MAGI1: variants seen among roughly 807,000 people sequenced by gnomAD.
The protein encoded by MAGI1 is membrane associated guanylate kinase, WW and PDZ domain containing 1.
A neutral mutation model predicts 139.9 loss-of-function variants in MAGI1; 58 were observed. The observed-to-expected ratio is 0.41, with a 90% CI of 0.34 to 0.52. The LOEUF is 0.52. Among genes scored for constraint, MAGI1 ranks in the 20% least tolerant of loss-of-function variants. The pLI, the probability that MAGI1 is intolerant of heterozygous loss-of-function variation, is 0.12. For missense variants in MAGI1, 1,874 were observed against 1,901.6 expected, an observed-to-expected ratio of 0.99 and a Z score of 0.27; for synonymous variants, 812 against 737.9, an observed-to-expected ratio of 1.10 and a Z score of -1.63.
rs111311617 is a variant in MAGI1, at chr3:65,475,593, C to G, written c.757+2999G>C. 9.5e-3 allele frequency among the ~76,000 whole-genome samples: 1,451 copies of G among 152,306 alleles called. 19 individuals are homozygous for G. Among genetic ancestry groups the G allele is most frequent in the African/African-American group, 0.031 (1,277 of 41,580 alleles). On this transcript the variant is annotated intron_variant, in intron 4 of 22. Transcript: ENST00000402939. ...ATATATCTGTGCTTTGGCCAACAGT[C>G]TAACTCTACCTTCATTAAGCCCACA...
intron 1 of MAGI1, among the ~76,000 whole-genome samples, chr3:65,754,182 T>A (rs1264558159): frequency 6.6e-6 from 1 of 152,068 alleles, no homozygotes; most frequent in Non-Finnish European, 1.5e-5. Flanking sequence ...AAAAGCAAAA[T>A]CCACAATTCC....
At position 65,478,561 on chromosome 3, in the gene MAGI1, T is replaced by G. The variant is rs769339181; in HGVS notation, c.757+31A>C. 6 of 1,595,822 alleles carry G rather than the reference T, an allele frequency of 3.8e-6. No individual in the cohort carries two copies. In the South Asian group the frequency reaches 6.6e-5, roughly 18 times the overall value. ...GCCTCCTCGTCATCCCTTCCCCAGG[T>G]CCATTGAGGGCAACATGATCTGACC... On this transcript the variant is annotated intron_variant, in intron 4 of 22. Transcript: ENST00000402939.
chr3:65,754,882 G>C (rs7623079), intron 1 of MAGI1, among the ~76,000 whole-genome samples: 2,159 of 152,228 alleles, frequency 0.014, 42 homozygotes, highest in African/African-American at 0.049. Flanking sequence ...CATACAAAGA[G>C]AGGTGAGGAA....
At chr3:65,625,666 G>A (rs1348392054) in intron 1 of MAGI1, among the ~76,000 whole-genome samples, 3 of 152,122 alleles carry the variant, frequency 2.0e-5, no homozygotes, top group South Asian at 4.2e-4. Context: ...TTGAATGGAC[G>A]ATTATTGAGG....
At chr3:65,613,256 C>T (rs750278605) in intron 2 of MAGI1, among the ~76,000 whole-genome samples, 7 of 152,120 alleles carry the variant, frequency 4.6e-5, no homozygotes, top group Non-Finnish European at 1.0e-4. Flanking sequence ...TAACACTATG[C>T]CCTACAGGGT....
intron 1 of MAGI1, among the ~76,000 whole-genome samples, chr3:65,898,798 C>T (rs2061090699): frequency 2.6e-5 from 4 of 152,092 alleles, no homozygotes; most frequent in Non-Finnish European, 1.5e-5. Context: ...GATGGATATG[C>T]TAATTACCCT....
intron 1 of MAGI1, among the ~76,000 whole-genome samples, chr3:65,908,326 C>A (rs1262999858): frequency 6.6e-6 from 1 of 151,636 alleles, no homozygotes; most frequent in Non-Finnish European, 1.5e-5. Flanking sequence ...TTAATCGAGA[C>A]AGAGTCTTAC....
chr3:65,529,280 A>T (rs1293885373), intron 2 of MAGI1, among the ~76,000 whole-genome samples: 1 of 152,158 alleles, frequency 6.6e-6, no homozygotes, highest in East Asian at 1.9e-4. Flanking sequence ...GTACATTCAT[A>T]ATGTTGTCCA....
intron 1 of MAGI1, among the ~76,000 whole-genome samples, chr3:65,738,185 T>A (rs889205322): frequency 1.3e-5 from 2 of 152,234 alleles, no homozygotes; most frequent in Non-Finnish European, 2.9e-5. Context: ...CGGTTCCTGA[T>A]GACCGCCATA....
chr3:65,780,345 A>G (rs2038832282), intron 1 of MAGI1, among the ~76,000 whole-genome samples: 2 of 152,190 alleles, frequency 1.3e-5, no homozygotes, highest in Non-Finnish European at 2.9e-5. Flanking sequence ...CTTAAGATAT[A>G]CTGATTAATT....
At chr3:65,780,472 C>T (rs2038842449) in intron 1 of MAGI1, among the ~76,000 whole-genome samples, 1 of 152,148 alleles carries the variant, frequency 6.6e-6, no homozygotes, top group Non-Finnish European at 1.5e-5. Context: ...AAACGACTAA[C>T]AATGAGGTCC....
intron 14 of MAGI1, among the ~76,000 whole-genome samples, chr3:65,387,881 A>T (rs1943580646): frequency 6.6e-6 from 1 of 152,230 alleles, no homozygotes. Context: ...ACAGATTTAC[A>T]ATGTTGGTTA....
intron 20 of MAGI1, 57 bp downstream of exon 20, chr3:65,364,608 T>G: frequency 8.5e-4 from 1,236 of 1,461,464 alleles, no homozygotes; most frequent in Middle Eastern, 1.2e-3. Flanking sequence ...AAAAGTAGCT[T>G]GAGAAAGTTG....
At chr3:65,961,726 T>C (rs2064434585) in intron 1 of MAGI1, among the ~76,000 whole-genome samples, 1 of 152,220 alleles carries the variant, frequency 6.6e-6, no homozygotes, top group Non-Finnish European at 1.5e-5. Flanking sequence ...GGTGAACTGA[T>C]ATCAAAGAAC....
At position 65,440,031 on chromosome 3, in the gene MAGI1, A is replaced by G. The variant is rs1482911200; in HGVS notation, c.1137-19T>C. ...GATGTGGCTGGGGAAGATAGCAAAT[A>G]GTATTCAGCTTGAAACAGTTCATCC... On this transcript the variant is annotated intron_variant, in intron 8 of 22. Transcript: ENST00000402939. The G allele has an allele frequency of 1.2e-6, 2 of 1,613,700 alleles. No individual in the cohort carries two copies. The highest frequency in any genetic ancestry group is 3.3e-5 in the Admixed American group (2 of 59,960).
chr3:65,489,566 T>C (rs1205460211), intron 3 of MAGI1, among the ~76,000 whole-genome samples: 29 of 152,112 alleles, frequency 1.9e-4, no homozygotes, highest in Admixed American at 1.7e-3. Flanking sequence ...ATAAGTTATA[T>C]ATTTATATAC....
chr3:65,963,312 T>G (rs2064551816), intron 1 of MAGI1, among the ~76,000 whole-genome samples: 1 of 36,394 alleles, frequency 2.7e-5, no homozygotes, highest in Non-Finnish European at 5.3e-5. Flanking sequence ...ACTCTGTCTC[T>G]TAAAAAAAAA....
At chr3:65,937,197 T>C (rs2063105752) in intron 1 of MAGI1, among the ~76,000 whole-genome samples, 2 of 152,274 alleles carry the variant, frequency 1.3e-5, no homozygotes, top group Admixed American at 1.3e-4. Flanking sequence ...AGCAAGTTAT[T>C]ACTGTTTGAG....
chr3:66,018,715 G>C lies in MAGI1; in HGVS notation c.313+19281C>G, dbSNP rs571814911. On this transcript the variant is annotated intron_variant, in intron 1 of 22. Coordinates refer to ENST00000402939, the MANE Select transcript of MAGI1 (RefSeq NM_001033057.2). ...CAGCCTTCTGCATTCTGAGTGCTCG[G>C]GGTCTTAATCAGCCACCTGAGCTCT... 1.6e-4 allele frequency among the ~76,000 whole-genome samples: 25 copies of C among 152,276 alleles called. No homozygotes were observed. In the South Asian group the frequency reaches 5.2e-3, roughly 32 times the overall value.
Sources: allele counts gnomAD v4.1 joint callset (sites outside exome capture counted in the v4.1 genomes callset), GRCh38; gene constraint gnomAD v4.1.1; transcripts MANE v1.5; gene names NCBI Gene and HGNC (gene_info 2026-07-23, HGNC 2026-07-21).